Variants in RGS8 observed in about 807,000 individuals in gnomAD.
RGS8 encodes regulator of G-protein signaling 8.
In RGS8, 8 loss-of-function variants were observed where a neutral mutation model predicts 21.7. That is an observed-to-expected ratio of 0.37 (90% CI 0.22 to 0.66). The LOEUF is 0.66. RGS8 is among the 30% of genes least tolerant of loss of function. RGS8 has a pLI of 0.59. For missense variants in RGS8, 157 were observed against 217.9 expected, an observed-to-expected ratio of 0.72 and a Z score of 1.76; for synonymous variants, 80 against 83.6, an observed-to-expected ratio of 0.96 and a Z score of 0.24.
At chr1:182,726,670 CAA>C in the RGS8 span, among the ~76,000 whole-genome samples, 5 of 134,210 alleles carry the variant, frequency 3.7e-5, no homozygotes, top group African/African-American at 5.4e-5. Context: ...GACTCTGTCT[CAA>C]AAAAAAAAAA....
intron 1 of RGS8, among the ~76,000 whole-genome samples, chr1:182,678,000 A>G (rs1664423039): frequency 6.6e-6 from 1 of 152,250 alleles, no homozygotes; most frequent in Admixed American, 6.5e-5. Flanking sequence ...TTGAATCCTG[A>G]TTCAAATGTA....
At chr1:182,683,627 C>CA (rs397863359) in intron 1 of RGS8, among the ~76,000 whole-genome samples, 3,629 of 59,954 alleles carry the variant, frequency 0.061, 156 homozygotes, top group East Asian at 0.21. Flanking sequence ...TCCCAGTGCT[C>CA]AAAAAAAAAA....
chr1:182,682,919 G>C (rs973743150), intron 1 of RGS8, among the ~76,000 whole-genome samples: 2 of 152,204 alleles, frequency 1.3e-5, no homozygotes, highest in Non-Finnish European at 2.9e-5. Context: ...TGTTCTCCAG[G>C]TCAGAGTTCA....
upstream of RGS8, among the ~76,000 whole-genome samples, chr1:182,685,759 G>A (rs1460670651): frequency 6.6e-6 from 1 of 152,126 alleles, no homozygotes; most frequent in Non-Finnish European, 1.5e-5. Context: ...TGACCCCTCA[G>A]GGGACAGGTC....
At chr1:182,731,285 G>A in the RGS8 span, among the ~76,000 whole-genome samples, 2 of 152,278 alleles carry the variant, frequency 1.3e-5, no homozygotes, top group East Asian at 1.9e-4. Context: ...TTGGCTTCAC[G>A]CTGTTACTTC....
chr1:182,656,701 G>A (rs888067107), intron 5 of RGS8, among the ~76,000 whole-genome samples: 2 of 152,210 alleles, frequency 1.3e-5, no homozygotes, highest in Admixed American at 6.5e-5. Flanking sequence ...AAGTTGCCTG[G>A]AATTTCAAGG....
intron 5 of RGS8, among the ~76,000 whole-genome samples, 185 bp from the exon 7 acceptor site, chr1:182,648,488 C>T (rs1478954004): frequency 6.6e-6 from 1 of 152,158 alleles, no homozygotes; most frequent in Non-Finnish European, 1.5e-5. Context: ...AATCTCAGCA[C>T]TTTGGGAGGC....
At chr1:182,645,963 T>G (rs1222754366), downstream of RGS8, 1 of 152,232 alleles carries the variant, frequency 6.6e-6, no homozygotes, top group Non-Finnish European at 1.5e-5. Flanking sequence ...GTCTCTTGAC[T>G]TCTGGAAAAG....
the RGS8 span, among the ~76,000 whole-genome samples, chr1:182,731,940 A>G: frequency 6.6e-6 from 1 of 152,196 alleles, no homozygotes; most frequent in Non-Finnish European, 1.5e-5. Context: ...AGTATGAATG[A>G]TAGATCACAG....
At chr1:182,710,229 T>C in the RGS8 span, among the ~76,000 whole-genome samples, 1 of 152,154 alleles carries the variant, frequency 6.6e-6, no homozygotes, top group Non-Finnish European at 1.5e-5. Flanking sequence ...CAAACATCTC[T>C]CCTTATCAAA....
chr1:182,715,356 A>G, the RGS8 span, among the ~76,000 whole-genome samples: 1 of 152,010 alleles, frequency 6.6e-6, no homozygotes, highest in East Asian at 1.9e-4. Context: ...ACTCTCACTT[A>G]CCCCTTTAAA....
chr1:182,706,619 A>T, the RGS8 span, among the ~76,000 whole-genome samples: 1 of 151,750 alleles, frequency 6.6e-6, no homozygotes, highest in South Asian at 2.1e-4. Context: ...GGCGTGTGCC[A>T]CCACGCCTGG....
At chr1:182,673,655 A>G (rs1375622312), upstream of RGS8, among the ~76,000 whole-genome samples, 2 of 152,220 alleles carry the variant, frequency 1.3e-5, no homozygotes, top group Non-Finnish European at 2.9e-5. Context: ...ACTTTGTGTT[A>G]TAAAATAAGA....
the RGS8 span, among the ~76,000 whole-genome samples, chr1:182,745,001 A>T: frequency 6.6e-6 from 1 of 152,230 alleles, no homozygotes; most frequent in Non-Finnish European, 1.5e-5. Flanking sequence ...CTTCACATAC[A>T]TGAAATTATA....
the RGS8 span, among the ~76,000 whole-genome samples, chr1:182,734,081 C>T: frequency 2.6e-5 from 4 of 151,346 alleles, no homozygotes; most frequent in Admixed American, 6.6e-5. Flanking sequence ...CCACCATGCC[C>T]GGCTAATTTT....
chr1:182,660,327 T>A (rs530786), intron 5 of RGS8, among the ~76,000 whole-genome samples: 5,737 of 152,190 alleles, frequency 0.038, 206 homozygotes, highest in African/African-American at 0.09. Context: ...TGTCCAGTTG[T>A]TTTCATTCAT....
chr1:182,694,624 T>C, the RGS8 span, among the ~76,000 whole-genome samples: 945 of 152,164 alleles, frequency 6.2e-3, 13 homozygotes, highest in African/African-American at 0.021. Context: ...CTGGCCAACA[T>C]GGTGAAACCC....
At chr1:182,748,862 G>C in the RGS8 span, among the ~76,000 whole-genome samples, 1 of 152,118 alleles carries the variant, frequency 6.6e-6, no homozygotes, top group Admixed American at 6.5e-5. Flanking sequence ...TAGTGATGTT[G>C]AGCATATTTT....
chr1:182,670,597 C>G lies in RGS8; in HGVS notation c.-103-845G>C, dbSNP rs547216541. On this transcript the variant is annotated intron_variant, in intron 2 of 6. Coordinates refer to ENST00000483095, the Ensembl canonical transcript of RGS8. ...TCCCCTGGGGGACTCTGACATCAAA[C>G]ATAGAACCCATTTTAAAAGGAACCT... Among the ~76,000 whole-genome samples, 23 of 152,318 alleles carry G rather than the reference C, an allele frequency of 1.5e-4. 2 individuals are homozygous for G. In the South Asian group the frequency reaches 4.3e-3, roughly 29 times the overall value.
Sources: gnomAD v4.1 joint callset for allele counts (sites outside exome capture counted in the v4.1 genomes callset) on GRCh38, gnomAD v4.1.1 for gene constraint, MANE v1.5 for transcripts, NCBI Gene and HGNC (gene_info 2026-07-23, HGNC 2026-07-21) for gene names.